Variants in ANKRD11 observed in about 807,000 individuals in gnomAD.
ANKRD11 encodes the protein ankyrin repeat domain-containing protein 11.
A neutral mutation model predicts 195.7 loss-of-function variants in ANKRD11; 17 were observed. The ratio of observed to expected loss-of-function variants is 0.09; its 90% CI spans 0.06 to 0.13. ANKRD11 has a LOEUF of 0.13. Ranked by LOEUF, ANKRD11 falls within the 10% of genes least tolerant of loss-of-function variation. The pLI is 1.00. For synonymous variants in ANKRD11, 1,953 were observed against 1,528.1 expected (o/e 1.28, Z -6.49); for missense variants, 3,735 against 3,566.1 (o/e 1.05, Z -1.21).
At chr16:89,398,547 T>C (rs939420237) in intron 2 of ANKRD11, among the ~76,000 whole-genome samples, 4 of 152,044 alleles carry the variant, frequency 2.6e-5, no homozygotes, top group African/African-American at 7.2e-5. Context: ...GGAGACCCCA[T>C]CTCTTAAAAA....
rs1466216098 is a variant in ANKRD11, at chr16:89,418,320, G to A, written c.-96C>T. 1 of 454,024 alleles carries A rather than the reference G, an allele frequency of 2.2e-6. No individual in the cohort carries two copies. The highest frequency in any genetic ancestry group is 6.9e-5 in the East Asian group (1 of 14,394). 28.1% of individuals were successfully genotyped at this position (454,024 alleles called of 1,614,324 possible). On this transcript the variant is annotated 5_prime_UTR_variant, in exon 2 of 13. Transcript: ENST00000301030. ...CTGAAAGTCAGTGCTGACGAGGACTGTCTTTTAAATCCAATGGAGGTGTGT... is the reference window on the plus strand; with the variant it reads ...CTGAAAGTCAGTGCTGACGAGGACTATCTTTTAAATCCAATGGAGGTGTGT...
rs188595158 is a variant in ANKRD11, at chr16:89,453,089, C to A, written c.-144-34721G>T. ...ATGTAAGCCACCACGCCCGGCTGCA[C>A]AGAACATCTGAAGCACATTTCTTTT... On this transcript the variant is annotated intron_variant, in intron 1 of 12. Coordinates refer to ENST00000301030, the MANE Select transcript of ANKRD11 (RefSeq NM_013275.6). Among the ~76,000 whole-genome samples, 261 of 152,266 alleles carry A rather than the reference C, an allele frequency of 1.7e-3. 1 individual carries two copies. The highest frequency in any genetic ancestry group is 2.7e-3 in the Non-Finnish European group (182 of 68,030).
chr16:89,313,552 C>A (rs77306628), intron 3 of ANKRD11: 3 of 1,289,014 alleles, frequency 2.3e-6, no homozygotes, highest in South Asian at 1.2e-5. Flanking sequence ...CCATCTTCCA[C>A]GTATATGTCA....
Position 89,415,303 on chromosome 16 carries a change from C to T in ANKRD11, c.-60+2981G>A, listed in dbSNP as rs544478293. Among the ~76,000 whole-genome samples the T allele has an allele frequency of 2.8e-4, 35 of 124,626 alleles. 1 individual carries two copies. In the South Asian group the frequency reaches 8.9e-3, roughly 32 times the overall value. 81.8% of individuals were successfully genotyped at this position (124,626 alleles called of 152,430 possible). A position where few individuals can be genotyped will look rare whatever the true frequency, so the allele number is the denominator to read the frequency against. ...TTTTTGAGATGGAGTCTCCCTCTGT[C>T]GCCCAGGCTGGAGCGCAGTGGTGCG... On this transcript the variant is annotated intron_variant, in intron 2 of 12. Transcript: ENST00000301030.
chr16:89,277,870 G>C (rs982904630), intron 9 of ANKRD11: 6 of 155,634 alleles, frequency 3.9e-5, no homozygotes, highest in Non-Finnish European at 7.1e-5. Context: ...CCTCACCAGG[G>C]GGGTGCTGGG....
intron 2 of ANKRD11, among the ~76,000 whole-genome samples, chr16:89,325,348 G>A (rs1326853911): frequency 3.9e-5 from 6 of 152,192 alleles, no homozygotes; most frequent in African/African-American, 1.2e-4. Flanking sequence ...TAAGGCAGGA[G>A]GATCACTTGA....
In ANKRD11 at chr16:89,284,104, G is replaced by C. The variant is rs1220091845; in HGVS notation, c.2438C>G (p.Ala813Gly). 1 of 1,613,750 alleles carries C rather than the reference G, an allele frequency of 6.2e-7. No homozygotes were observed. The highest frequency in any genetic ancestry group is 8.5e-7 in the Non-Finnish European group (1 of 1,179,864). Residue 813 changes from alanine (A) to glycine (G), a missense_variant, in exon 9 of 13, where the codon GCT becomes GGT. Ala to Gly is a moderately conservative substitution (Grantham distance 60). Coordinates refer to ENST00000301030, the MANE Select transcript of ANKRD11 (RefSeq NM_013275.6). ...ATTTTTGTTACAATATTCGTCAAAA[G>C]CAGAATCTTCCCTATAAACCTTTTC... ...KKEKVYREDS[A>G]FDEYCNKNQF...
intron 2 of ANKRD11, among the ~76,000 whole-genome samples, chr16:89,396,939 G>A (rs546729249): frequency 1.4e-4 from 17 of 124,078 alleles, no homozygotes; most frequent in East Asian, 5.1e-4. Context: ...CAGCTGCCTC[G>A]GTTTCCCAGA....
chr16:89,477,408 T>C (rs1189425184), intron 1 of ANKRD11, among the ~76,000 whole-genome samples: 2 of 151,900 alleles, frequency 1.3e-5, no homozygotes, highest in Admixed American at 6.6e-5. Flanking sequence ...CAGGCTGGAG[T>C]GCAGTGGTGC....
chr16:89,457,491 G>A (rs187316848), intron 1 of ANKRD11, among the ~76,000 whole-genome samples: 39 of 151,070 alleles, frequency 2.6e-4, no homozygotes, highest in African/African-American at 8.2e-4. Context: ...CCAGCTACTC[G>A]GGAGGCTAGG....
intron 11 of ANKRD11, among the ~76,000 whole-genome samples, chr16:89,274,113 G>A (rs1410659523): frequency 3.3e-5 from 5 of 152,222 alleles, no homozygotes; most frequent in African/African-American, 1.2e-4. Context: ...GATTTCTGAG[G>A]CAGGAGTCCC....
Position 89,412,860 on chromosome 16 carries a change from G to A in ANKRD11, c.-60+5424C>T, listed in dbSNP as rs559832353. On this transcript the variant is annotated intron_variant, in intron 2 of 12. Transcript: ENST00000301030. ...AAAGCCATTCTCAGTCCCCCAGCAGGACCTCTCCATGCCTCCCAGGTCAGC... is the reference window on the plus strand; with the variant it reads ...AAAGCCATTCTCAGTCCCCCAGCAGAACCTCTCCATGCCTCCCAGGTCAGC... Among the ~76,000 whole-genome samples, 13 of 152,240 alleles carry A rather than the reference G, an allele frequency of 8.5e-5. No individual in the cohort carries two copies. The South Asian group carries it at 2.7e-3, about 32-fold the overall frequency.
At chr16:89,489,916 C>CTTA (rs2057761676) in intron 1 of ANKRD11, among the ~76,000 whole-genome samples, 1 of 149,082 alleles carries the variant, frequency 6.7e-6, no homozygotes, top group South Asian at 2.1e-4. Flanking sequence ...CCCGGAGCCC[C>CTTA]CGTCCGCCCC....
chr16:89,346,707 C>T (rs150322129), intron 2 of ANKRD11, among the ~76,000 whole-genome samples: 1 of 152,146 alleles, frequency 6.6e-6, no homozygotes, highest in South Asian at 2.1e-4. Flanking sequence ...AGATGCTATA[C>T]AGCAAGGTGG....
At chr16:89,351,934 A>G (rs2039238101) in intron 2 of ANKRD11, among the ~76,000 whole-genome samples, 1 of 152,032 alleles carries the variant, frequency 6.6e-6, no homozygotes, top group African/African-American at 2.4e-5. Flanking sequence ...TTTTTTGGAG[A>G]CAGTCTCACT....
chr16:89,414,625 T>A (rs548312063), intron 2 of ANKRD11, among the ~76,000 whole-genome samples: 119 of 152,286 alleles, frequency 7.8e-4, no homozygotes, highest in African/African-American at 2.8e-3. Flanking sequence ...CTGTCCTGGG[T>A]AGGAGACTGA....
intron 2 of ANKRD11, among the ~76,000 whole-genome samples, chr16:89,395,332 G>A (rs2041379167): frequency 6.6e-6 from 1 of 152,248 alleles, no homozygotes; most frequent in Non-Finnish European, 1.5e-5. Flanking sequence ...GCGTCGGTGT[G>A]GAAGGAACCC....
At chr16:89,488,330 G>A (rs1346721371) in intron 1 of ANKRD11, among the ~76,000 whole-genome samples, 3 of 151,948 alleles carry the variant, frequency 2.0e-5, no homozygotes, top group Non-Finnish European at 4.4e-5. Context: ...TGCTCTTCGG[G>A]GAGAAACTAC....
chr16:89,465,962 G>A (rs1385163836), intron 1 of ANKRD11, among the ~76,000 whole-genome samples: 4 of 151,968 alleles, frequency 2.6e-5, no homozygotes, highest in East Asian at 1.9e-4. Flanking sequence ...TGCCCGCCTC[G>A]GCCTCCCAAA....
Sources: gnomAD v4.1 joint callset for allele counts (sites outside exome capture counted in the v4.1 genomes callset) on GRCh38, gnomAD v4.1.1 for gene constraint, MANE v1.5 for transcripts, NCBI Gene and HGNC (gene_info 2026-07-23, HGNC 2026-07-21) for gene names.